CACNA1C: variants seen among roughly 807,000 people sequenced by gnomAD.
CACNA1C encodes the protein calcium voltage-gated channel subunit alpha1 C.
Under a neutral mutation model 229.0 loss-of-function variants are expected in CACNA1C, and 30 were observed. The ratio of observed to expected loss-of-function variants is 0.13; its 90% confidence interval spans 0.10 to 0.18. The LOEUF is 0.18. Ranked by LOEUF, CACNA1C falls within the 10% of genes least tolerant of loss-of-function variation. CACNA1C has a pLI of 1.00. For missense variants in CACNA1C, 1,658 were observed against 2,845.0 expected (o/e 0.58, Z 9.49); for synonymous variants, 1,114 against 1,132.5 (o/e 0.98, Z 0.33).
At position 2,456,476 on chromosome 12, in the gene CACNA1C, A is replaced by G. The variant is rs140949206; in HGVS notation, c.618-1091A>G. On this transcript the variant is annotated intron_variant, in intron 4 of 46. Transcript: ENST00000399655. ...ATACCAGCACCCGGTGGGGTTCCCTATTTCCTCTCCGACTTCCTCTCCCAC... is the reference window on the plus strand; with the variant it reads ...ATACCAGCACCCGGTGGGGTTCCCTGTTTCCTCTCCGACTTCCTCTCCCAC... Among the ~76,000 whole-genome samples, 866 of 151,980 alleles carry G rather than the reference A, an allele frequency of 5.7e-3. 9 individuals carry two copies. The highest frequency in any genetic ancestry group is 0.02 in the African/African-American group (827 of 41,400).
In CACNA1C at chr12:2,009,368, AAT is replaced by A. The variant is rs1156725751; in HGVS notation, c.139+38171_139+38172del. 5.3e-5 allele frequency among the ~76,000 whole-genome samples: 8 copies of A among 152,348 alleles called. No individual in the cohort carries two copies. The South Asian group carries it at 1.7e-3, about 32-fold the overall frequency. ...TATGTTTAGATTCTTTGAAAATCAG[AAT>A]ATAACTGAAAACTGGTTTTGTAGGC... On this transcript the variant is annotated intron_variant, in intron 1 of 46. Coordinates refer to the CACNA1C transcript ENST00000682462.
intron 7 of CACNA1C, among the ~76,000 whole-genome samples, chr12:2,500,259 C>A (rs1179347283): frequency 6.6e-6 from 1 of 152,198 alleles, no homozygotes; most frequent in Non-Finnish European, 1.5e-5. Context: ...ATGGTCCTGG[C>A]TGTCTGTGGG....
At chr12:1,974,728 T>C (rs1480333382) in intron 1 of CACNA1C, among the ~76,000 whole-genome samples, 1 of 152,154 alleles carries the variant, frequency 6.6e-6, no homozygotes, top group African/African-American at 2.4e-5. Flanking sequence ...TATAAGCACC[T>C]GAATGACCTG....
At chr12:2,635,884 G>A (rs897069525) in intron 30 of CACNA1C, among the ~76,000 whole-genome samples, 5 of 152,142 alleles carry the variant, frequency 3.3e-5, no homozygotes, top group African/African-American at 4.8e-5. Flanking sequence ...GTGTATGTGT[G>A]TATGTGCACT....
At chr12:2,489,984 C>T (rs1365312338) in intron 6 of CACNA1C, among the ~76,000 whole-genome samples, 3 of 152,236 alleles carry the variant, frequency 2.0e-5, no homozygotes, top group African/African-American at 7.2e-5. Context: ...TTCTCCTCAC[C>T]CTAGAGTGTG....
intron 3 of CACNA1C, among the ~76,000 whole-genome samples, chr12:2,279,632 G>A (rs2090303377): frequency 6.6e-6 from 1 of 152,196 alleles, no homozygotes; most frequent in Non-Finnish European, 1.5e-5. Context: ...AATATAGACA[G>A]TCCAGTGTCC....
At chr12:2,265,378 G>A (rs1238575343) in intron 3 of CACNA1C, among the ~76,000 whole-genome samples, 9 of 152,232 alleles carry the variant, frequency 5.9e-5, no homozygotes, top group Non-Finnish European at 2.9e-5. Context: ...AAAACCAGAG[G>A]TGCTTGATGC....
At chr12:2,557,835 A>G (rs1156413161) in intron 11 of CACNA1C, among the ~76,000 whole-genome samples, 2 of 152,188 alleles carry the variant, frequency 1.3e-5, no homozygotes, top group East Asian at 1.9e-4. Flanking sequence ...CTCTGCCTGC[A>G]TGCCTCCAGG....
intron 1 of CACNA1C, among the ~76,000 whole-genome samples, chr12:2,093,250 T>C (rs2072147065): frequency 6.6e-6 from 1 of 152,196 alleles, no homozygotes; most frequent in South Asian, 2.1e-4. Context: ...CCAGGGAGGC[T>C]AGTGGCTTCT....
At chr12:2,377,208 G>A (rs1443476029) in intron 3 of CACNA1C, among the ~76,000 whole-genome samples, 1 of 152,192 alleles carries the variant, frequency 6.6e-6, no homozygotes, top group African/African-American at 2.4e-5. Flanking sequence ...AGCATGAGCT[G>A]TGGGTTTCAC....
At chr12:2,036,762 C>G (rs980943058) in intron 1 of CACNA1C, among the ~76,000 whole-genome samples, 4 of 152,214 alleles carry the variant, frequency 2.6e-5, no homozygotes, top group African/African-American at 9.6e-5. Flanking sequence ...CGGCGCCCAG[C>G]CTCCCCTTTC....
chr12:2,277,870 C>T (rs1465473127), intron 3 of CACNA1C, among the ~76,000 whole-genome samples: 2 of 152,228 alleles, frequency 1.3e-5, no homozygotes, highest in African/African-American at 2.4e-5. Flanking sequence ...TACACTCGCA[C>T]AGAGCAAGCA....
At chr12:2,650,087 A>C (rs2094790067) in intron 31 of CACNA1C, among the ~76,000 whole-genome samples, 1 of 152,114 alleles carries the variant, frequency 6.6e-6, no homozygotes, top group South Asian at 2.1e-4. Context: ...CCCTGCCTTG[A>C]GGGGAACGGG....
At chr12:2,491,457 G>GGAGGAGGAAATGACA (rs1443649403) in intron 6 of CACNA1C, among the ~76,000 whole-genome samples, 1 of 150,970 alleles carries the variant, frequency 6.6e-6, no homozygotes, top group Non-Finnish European at 1.5e-5. Context: ...AAAAGGAGGA[G>GGAGGAGGAAATGACA]GAGGAGGAAA....
intron 3 of CACNA1C, among the ~76,000 whole-genome samples, chr12:2,147,259 C>A (rs1182367918): frequency 1.3e-5 from 2 of 151,334 alleles, no homozygotes; most frequent in African/African-American, 4.8e-5. Flanking sequence ...AGAAGTGGGG[C>A]TGACTAGAGA....
Position 2,493,058 on chromosome 12 carries a change from C to G in CACNA1C, c.917-132C>G, listed in dbSNP as rs561042265. 1.5e-5 allele frequency: 10 copies of G among 674,486 alleles called. No homozygotes were observed. The African/African-American group carries it at 1.6e-4, about 11-fold the overall frequency. 41.8% of individuals were successfully genotyped at this position (674,486 alleles called of 1,614,324 possible). ...GGGGACCTGATTTAAACATGTCTTGCGCTGTTGTTGCCATGGTTGCTTTGC... is the reference window on the plus strand; with the variant it reads ...GGGGACCTGATTTAAACATGTCTTGGGCTGTTGTTGCCATGGTTGCTTTGC... On this transcript the variant is annotated intron_variant, in intron 6 of 46. Coordinates refer to ENST00000399655, the MANE Select transcript of CACNA1C (RefSeq NM_000719.7). This position sits in a 1 kb window ranked among gnomAD's most constrained non-coding sequence, Gnocchi z 4.6.
chr12:2,146,175 G>T (rs1214253084), intron 3 of CACNA1C, among the ~76,000 whole-genome samples: 3 of 151,068 alleles, frequency 2.0e-5, no homozygotes, highest in Admixed American at 1.3e-4. Context: ...GGCAAGGAAA[G>T]GTTCTCACCC....
At chr12:2,453,411 C>T (rs569725511) in intron 4 of CACNA1C, among the ~76,000 whole-genome samples, 2 of 152,294 alleles carry the variant, frequency 1.3e-5, no homozygotes, top group Admixed American at 6.5e-5. Flanking sequence ...TGGAGACCCA[C>T]TCCTAATACC....
In CACNA1C at chr12:2,161,055, C is replaced by T. The variant is rs560721521; in HGVS notation, c.477+40625C>T. Among the ~76,000 whole-genome samples, 421 of 152,308 alleles carry T rather than the reference C, an allele frequency of 2.8e-3. 1 individual carries two copies. The highest frequency in any genetic ancestry group is 9.6e-3 in the African/African-American group (399 of 41,562). On this transcript the variant is annotated intron_variant, in intron 3 of 46. Coordinates refer to ENST00000399655, the MANE Select transcript of CACNA1C (RefSeq NM_000719.7). ...CAGACTGGTCTCGAACTTCTGGCCT[C>T]GTGATCCACCCTCCTCGGCCTCCCA...
Sources: allele counts gnomAD v4.1 joint callset (sites outside exome capture counted in the v4.1 genomes callset), GRCh38; gene constraint gnomAD v4.1.1; non-coding constraint Gnocchi (gnomAD v3.1); transcripts MANE v1.5; gene names NCBI Gene and HGNC (gene_info 2026-07-23, HGNC 2026-07-21).